NDUFA12: variants seen among roughly 807,000 people sequenced by gnomAD.
NDUFA12 encodes NADH dehydrogenase [ubiquinone] 1 alpha subcomplex subunit 12.
Under a neutral mutation model 20.3 loss-of-function variants are expected in NDUFA12, and 17 were observed. The observed-to-expected ratio is 0.84, with a 90% CI of 0.57 to 1.26. The LOEUF (loss-of-function observed/expected upper bound fraction) is 1.26, where lower values mean the gene tolerates loss of function less well. Among genes scored for constraint, NDUFA12 ranks in the 50% most tolerant of loss-of-function variants. The probability of loss-of-function intolerance (pLI) is 0.00; values close to 1 mark genes in which losing one functional copy is unlikely to be tolerated. For missense variants in NDUFA12, 191 were observed against 183.7 expected (o/e 1.04, Z -0.23); for synonymous variants, 72 against 63.6 (o/e 1.13, Z -0.63).
At chr12:94,994,413 A>G in intron 2 of NDUFA12, 156 bp from the exon 3 acceptor site, 1 of 612,702 alleles carries the variant, frequency 1.6e-6, no homozygotes, top group Non-Finnish European at 2.8e-6. Flanking sequence ...GAATTCGTGA[A>G]GGTAAGCTCC....
Position 95,002,760 on chromosome 12 carries a change from C to T in NDUFA12, c.148G>A (p.Glu50Lys), listed in dbSNP as rs1483200958. Residue 50 changes from glutamate (E) to lysine (K), a missense_variant, in exon 2 of 4, where the codon GAA (glutamate) becomes AAA (lysine). Coordinates refer to ENST00000327772, the MANE Select transcript of NDUFA12 (RefSeq NM_018838.5). ...TCACCAAAAAATTGCTTGTTGTCTT[C>T]ATAGTATTTGTTTCCATATTTGTCT... ...GEDKYGNKYYEDNKQFFGRHR... is the reference protein window; with the variant it reads ...GEDKYGNKYYKDNKQFFGRHR... The T allele has an allele frequency of 6.2e-7, 1 of 1,614,044 alleles. No homozygotes were observed. The highest frequency in any genetic ancestry group is 1.7e-5 in the Admixed American group (1 of 60,026).
chr12:95,000,121 T>C (rs1217545802), intron 2 of NDUFA12, among the ~76,000 whole-genome samples: 1 of 152,194 alleles, frequency 6.6e-6, no homozygotes, highest in Non-Finnish European at 1.5e-5. Context: ...GTGGTATATA[T>C]ACACCATGGA....
intron 2 of NDUFA12, among the ~76,000 whole-genome samples, chr12:94,998,265 C>T (rs4923662): frequency 1.3e-5 from 2 of 152,084 alleles, no homozygotes; most frequent in South Asian, 2.1e-4. Context: ...AAAAAGCATT[C>T]GATAAAATCC....
rs145357795 is a variant in NDUFA12, at chr12:94,995,473, G to C, written c.170-1216C>G. On this transcript the variant is annotated intron_variant, in intron 2 of 3. Transcript: ENST00000327772. ...TCTCTCTCTGTCTGTCTCTCTCTCT[G>C]TATTTCTTGAAATGTTAAATGCCTA... Among the ~76,000 whole-genome samples, 5 of 152,086 alleles carry C rather than the reference G, an allele frequency of 3.3e-5. No homozygotes were observed. In the East Asian group the frequency reaches 7.7e-4, roughly 23 times the overall value.
At chr12:94,971,846 A>G (rs1167116246) in intron 3 of NDUFA12, 1 of 712,352 alleles carries the variant, frequency 1.4e-6, no homozygotes, top group South Asian at 1.5e-5. Flanking sequence ...AAGCACATAG[A>G]AAAATTCTTG....
intron 3 of NDUFA12, among the ~76,000 whole-genome samples, chr12:94,985,888 C>CAGG (rs1288821082): frequency 6.6e-6 from 1 of 151,874 alleles, no homozygotes; most frequent in African/African-American, 2.4e-5. Context: ...AATTTGAGAC[C>CAGG]AGCCTGGCCA....
intron 3 of NDUFA12, among the ~76,000 whole-genome samples, chr12:94,989,081 G>A (rs1874547927): frequency 6.6e-6 from 1 of 152,108 alleles, no homozygotes; most frequent in Non-Finnish European, 1.5e-5. Context: ...CCCTCTGCCT[G>A]GAACGCTTTC....
At chr12:94,998,782 T>C (rs1286209959) in intron 2 of NDUFA12, among the ~76,000 whole-genome samples, 3 of 152,030 alleles carry the variant, frequency 2.0e-5, no homozygotes, top group East Asian at 3.9e-4. Context: ...ACCATGGAAG[T>C]GAAAGATCTC....
In NDUFA12 at chr12:95,002,776, A is replaced by G; in HGVS notation, c.132T>C (p.Tyr44=). ...KVGTLVGEDK[Y]GNKYYEDNKQ... ...TGTTGTCTTCATAGTATTTGTTTCC[A>G]TATTTGTCTTCCCCCACTAATGTAC... The change falls in exon 2 of 4, where the codon TAT becomes TAC. Residue 44 remains tyrosine, a synonymous_variant. Coordinates refer to ENST00000327772, the MANE Select transcript of NDUFA12 (RefSeq NM_018838.5). The G allele has an allele frequency of 2.5e-6, 4 of 1,614,082 alleles. No homozygotes were observed. Among genetic ancestry groups the G allele is most frequent in the Non-Finnish European group, 3.4e-6 (4 of 1,179,986 alleles).
intron 3 of NDUFA12, among the ~76,000 whole-genome samples, chr12:94,983,559 T>C (rs76892550): frequency 0.024 from 3,657 of 152,244 alleles, 131 homozygotes; most frequent in African/African-American, 0.083. Flanking sequence ...TCAGAGAAGA[T>C]CTCAGCTGTA....
At chr12:94,982,448 T>C (rs1874276366) in intron 3 of NDUFA12, among the ~76,000 whole-genome samples, 1 of 151,996 alleles carries the variant, frequency 6.6e-6, no homozygotes, top group Non-Finnish European at 1.5e-5. Context: ...TAATTTTTTT[T>C]TGTAGTTTAA....
intron 3 of NDUFA12, among the ~76,000 whole-genome samples, chr12:94,976,249 AC>A (rs1268162451): frequency 6.6e-6 from 1 of 152,158 alleles, no homozygotes; most frequent in Non-Finnish European, 1.5e-5. Context: ...AAGTGAGAAA[AC>A]CAGGCTGCCA....
In NDUFA12 at chr12:94,995,254, A is replaced by G. The variant is rs771568443; in HGVS notation, c.170-997T>C. On this transcript the variant is annotated intron_variant, in intron 2 of 3. Transcript: ENST00000327772. The stretch of plus-strand genomic sequence containing the variant: ...CATGACCTCATCTCTTTTTAAAAAT[A>G]CAGATTTCAATCAACATTTACTGCT... Among the ~76,000 whole-genome samples the G allele has an allele frequency of 5.0e-4, 76 of 152,364 alleles. No individual in the cohort carries two copies. The Middle Eastern group carries it at 0.01, about 20-fold the overall frequency.
chr12:94,988,009 C>T (rs565040683), intron 3 of NDUFA12, among the ~76,000 whole-genome samples: 9 of 152,274 alleles, frequency 5.9e-5, no homozygotes, highest in Admixed American at 5.9e-4. Context: ...TTAGTCACTT[C>T]TCCACCCAAT....
intron 3 of NDUFA12, among the ~76,000 whole-genome samples, chr12:94,981,367 G>C (rs1300661656): frequency 6.6e-6 from 1 of 152,212 alleles, no homozygotes; most frequent in Non-Finnish European, 1.5e-5. Context: ...AGGATGGCTT[G>C]AGCCCAGGAG....
chr12:94,995,181 T>C (rs988138232), intron 2 of NDUFA12, among the ~76,000 whole-genome samples: 2 of 152,230 alleles, frequency 1.3e-5, no homozygotes, highest in Non-Finnish European at 2.9e-5. Flanking sequence ...TTACAGGGTT[T>C]TCCCAGGTAA....
chr12:94,985,012 G>GATAAAATAAAATAAA (rs1327187233), intron 3 of NDUFA12, among the ~76,000 whole-genome samples: 1 of 147,202 alleles, frequency 6.8e-6, no homozygotes, highest in Non-Finnish European at 1.5e-5. Flanking sequence ...CATAAAATAA[G>GATAAAATAAAATAAA]ATAAAATAAA....
At chr12:94,978,535 T>TG (rs1193239286) in intron 3 of NDUFA12, among the ~76,000 whole-genome samples, 1 of 152,170 alleles carries the variant, frequency 6.6e-6, no homozygotes, top group Non-Finnish European at 1.5e-5. Context: ...ACTGGGGATT[T>TG]GAAGAATTGA....
intron 3 of NDUFA12, among the ~76,000 whole-genome samples, chr12:94,975,494 T>C (rs1451357572): frequency 6.6e-6 from 1 of 152,220 alleles, no homozygotes; most frequent in Non-Finnish European, 1.5e-5. Context: ...TCAATATATT[T>C]ATCCTGAGAA....
Sources: allele counts gnomAD v4.1 joint callset (sites outside exome capture counted in the v4.1 genomes callset), GRCh38; gene constraint gnomAD v4.1.1; transcripts MANE v1.5; gene names NCBI Gene and HGNC (gene_info 2026-07-23, HGNC 2026-07-21).